NELL2: variants seen among roughly 807,000 people sequenced by gnomAD.
The protein encoded by NELL2 is protein kinase C-binding protein NELL2.
NELL2 carries 41 observed loss-of-function variants against 109.6 expected under a neutral mutation model. The observed-to-expected ratio is 0.37, with a 90% CI of 0.29 to 0.49. NELL2 has a LOEUF of 0.49. NELL2 is among the 20% of genes least tolerant of loss of function. The probability of loss-of-function intolerance (pLI) is 0.98; values close to 1 mark genes in which losing one functional copy is unlikely to be tolerated. For missense variants in NELL2, 900 were observed against 1,008.3 expected, an observed-to-expected ratio of 0.89 and a Z score of 1.45; for synonymous variants, 355 against 344.7, an observed-to-expected ratio of 1.03 and a Z score of -0.33.
intron 15 of NELL2, among the ~76,000 whole-genome samples, chr12:44,537,457 CTTTT>C (rs894646212): frequency 6.6e-6 from 1 of 151,868 alleles, no homozygotes; most frequent in Non-Finnish European, 1.5e-5. Context: ...AAATCCATCT[CTTTT>C]TTTTGGATGA....
intron 3 of NELL2, among the ~76,000 whole-genome samples, chr12:44,811,914 G>C (rs1271254841): frequency 2.0e-5 from 3 of 152,098 alleles, no homozygotes; most frequent in Non-Finnish European, 2.9e-5. Context: ...TCTTGCTCTT[G>C]TGCTTTCTCC....
At chr12:44,868,837 A>C (rs1307992724) in intron 2 of NELL2, among the ~76,000 whole-genome samples, 1 of 152,188 alleles carries the variant, frequency 6.6e-6, no homozygotes, top group Non-Finnish European at 1.5e-5. Context: ...TGACTATAGT[A>C]ATAATACATT....
intron 2 of NELL2, among the ~76,000 whole-genome samples, chr12:44,836,501 C>T (rs1377532992): frequency 1.3e-5 from 2 of 152,140 alleles, no homozygotes; most frequent in Admixed American, 6.5e-5. Context: ...CCTCCCTGGG[C>T]CATATTAGGC....
At chr12:44,751,699 A>T (rs2136527953) in intron 9 of NELL2, among the ~76,000 whole-genome samples, 1 of 152,278 alleles carries the variant, frequency 6.6e-6, no homozygotes, top group East Asian at 1.9e-4. Flanking sequence ...AAACATTTGT[A>T]CTTTAACTTT....
At chr12:44,518,554 T>C (rs1941383938) in intron 19 of NELL2, among the ~76,000 whole-genome samples, 1 of 152,204 alleles carries the variant, frequency 6.6e-6, no homozygotes, top group African/African-American at 2.4e-5. Flanking sequence ...CTCATTCAAA[T>C]TCTTTACCCC....
chr12:44,788,830 G>A (rs536187544), intron 3 of NELL2, among the ~76,000 whole-genome samples: 63 of 152,242 alleles, frequency 4.1e-4, no homozygotes, highest in Non-Finnish European at 7.9e-4. Flanking sequence ...AGGGCACAGG[G>A]GGAGTAAGAC....
rs2136230333 is a variant in NELL2, at chr12:44,594,939, T to C, written c.1663+12230A>G. ...ATACACAGAGTCCCCCTTCTCATCA[T>C]TCACTGAGTAAAAGTTTTGGCATCC... is the stretch of plus-strand genomic sequence containing the variant. On this transcript the variant is annotated intron_variant, in intron 15 of 19. Coordinates refer to ENST00000429094, the MANE Select transcript of NELL2 (RefSeq NM_001145108.2). 1.3e-5 allele frequency among the ~76,000 whole-genome samples: 2 copies of C among 152,330 alleles called. 1 individual carries two copies. Among genetic ancestry groups the C allele is most frequent in the African/African-American group, 4.8e-5 (2 of 41,576 alleles).
At chr12:44,550,426 T>TG (rs1942989916) in intron 15 of NELL2, among the ~76,000 whole-genome samples, 1 of 150,886 alleles carries the variant, frequency 6.6e-6, no homozygotes, top group African/African-American at 2.4e-5. Flanking sequence ...TTTTTTTTTT[T>TG]TGTATTTTTC....
intron 2 of NELL2, among the ~76,000 whole-genome samples, chr12:44,825,455 G>C (rs1723133677): frequency 7.3e-6 from 1 of 136,390 alleles, no homozygotes; most frequent in Admixed American, 7.8e-5. Context: ...GAGTGCAGTG[G>C]TGCAATCTCA....
At chr12:44,817,386 C>T (rs1211609204) in intron 2 of NELL2, among the ~76,000 whole-genome samples, 7 of 152,128 alleles carry the variant, frequency 4.6e-5, no homozygotes, top group African/African-American at 1.2e-4. Context: ...AATACACAGA[C>T]ATGGAGAGCA....
chr12:44,658,508 A>G (rs2136327511), intron 13 of NELL2, among the ~76,000 whole-genome samples: 1 of 152,316 alleles, frequency 6.6e-6, no homozygotes, highest in South Asian at 2.1e-4. Context: ...GAAAATGGCC[A>G]TACTGCCCAA....
At chr12:44,577,409 T>C (rs888140234) in intron 15 of NELL2, among the ~76,000 whole-genome samples, 4 of 147,376 alleles carry the variant, frequency 2.7e-5, no homozygotes, top group African/African-American at 1.0e-4. Flanking sequence ...TTTTTTCTTG[T>C]AAATTTGTTT....
intron 13 of NELL2, among the ~76,000 whole-genome samples, chr12:44,629,405 T>C (rs1946373487): frequency 6.6e-6 from 1 of 152,186 alleles, no homozygotes; most frequent in African/African-American, 2.4e-5. Context: ...ATATGAAGAC[T>C]CAGGTAAAGA....
upstream of NELL2, chr12:44,876,915 G>T: frequency 8.0e-7 from 1 of 1,246,382 alleles, no homozygotes; most frequent in Non-Finnish European, 1.0e-6. Flanking sequence ...TTCCCTGCCG[G>T]GGGCGGGGCG....
At chr12:44,847,841 G>A (rs1418878485) in intron 2 of NELL2, among the ~76,000 whole-genome samples, 1 of 151,738 alleles carries the variant, frequency 6.6e-6, no homozygotes, top group African/African-American at 2.4e-5. Flanking sequence ...AGACCATCCT[G>A]GCCAACATGG....
intron 15 of NELL2, among the ~76,000 whole-genome samples, chr12:44,578,448 A>G (rs1944195664): frequency 6.6e-6 from 1 of 152,122 alleles, no homozygotes; most frequent in Non-Finnish European, 1.5e-5. Context: ...AAAAAGGCCT[A>G]AGGCTATGAA....
At chr12:44,813,770 C>T (rs57108764) in intron 3 of NELL2, among the ~76,000 whole-genome samples, 7,942 of 151,986 alleles carry the variant, frequency 0.052, 687 homozygotes, top group African/African-American at 0.18. Context: ...TTTTCTACAA[C>T]GAAAACATAC....
chr12:44,774,907 A>T, intron 8 of NELL2, 58 bp from the exon 9 acceptor site: 2 of 1,338,726 alleles, frequency 1.5e-6, no homozygotes, highest in South Asian at 2.5e-5. Context: ...GTTTTCAAGA[A>T]TTTTTGAATT....
intron 15 of NELL2, among the ~76,000 whole-genome samples, chr12:44,538,513 CT>C (rs930323467): frequency 6.6e-6 from 1 of 151,906 alleles, no homozygotes; most frequent in Non-Finnish European, 1.5e-5. Context: ...GAAAGAATGT[CT>C]TTTTTTTCTG....
Sources: gnomAD v4.1 joint callset for allele counts (sites outside exome capture counted in the v4.1 genomes callset) on GRCh38, gnomAD v4.1.1 for gene constraint, MANE v1.5 for transcripts, NCBI Gene and HGNC (gene_info 2026-07-23, HGNC 2026-07-21) for gene names.